Variants in GRIK4 observed in about 807,000 individuals in gnomAD.
The protein encoded by GRIK4 is glutamate receptor ionotropic, kainate 4.
A neutral mutation model predicts 104.9 loss-of-function variants in GRIK4; 40 were observed. That is an observed-to-expected ratio of 0.38 (90% CI 0.30 to 0.50). The LOEUF (loss-of-function observed/expected upper bound fraction) is 0.50. Ranked by LOEUF, GRIK4 falls within the 20% of genes least tolerant of loss-of-function variation. The probability of loss-of-function intolerance (pLI) is 0.93; values close to 1 mark genes in which losing one functional copy is unlikely to be tolerated. For synonymous variants in GRIK4, 485 were observed against 524.9 expected, an observed-to-expected ratio of 0.92 and a Z score of 1.04; for missense variants, 1,047 against 1,308.1, an observed-to-expected ratio of 0.80 and a Z score of 3.08.
rs80355575 is a variant in GRIK4 at position 120,512,860 on chromosome 11, T to A, written c.-159+973T>A. On this transcript the variant is annotated intron_variant, in intron 1 of 20. Transcript: ENST00000527524. ...GCCTGGGGAGAGTTGGCTGAGGGCC[T>A]TGGGGTGGTGGAGGAGGCGGCCGAG... Among the ~76,000 whole-genome samples the A allele has an allele frequency of 4.5e-3, 690 of 152,106 alleles. 15 individuals are homozygous for A. In the East Asian group the frequency reaches 0.066, roughly 14 times the overall value.
intron 13 of GRIK4, among the ~76,000 whole-genome samples, chr11:120,935,804 G>A (rs767136707): frequency 6.6e-6 from 1 of 152,074 alleles, no homozygotes; most frequent in Non-Finnish European, 1.5e-5. Context: ...ACCCCATACT[G>A]TGCCAGGCAA....
At chr11:120,756,874 C>T (rs2135433229) in intron 3 of GRIK4, among the ~76,000 whole-genome samples, 1 of 152,362 alleles carries the variant, frequency 6.6e-6, no homozygotes, top group East Asian at 1.9e-4. Flanking sequence ...TTTCAACCAC[C>T]TCCCACTGTG....
intron 8 of GRIK4, among the ~76,000 whole-genome samples, chr11:120,856,702 C>G (rs1229180515): frequency 6.6e-6 from 1 of 152,170 alleles, no homozygotes; most frequent in Non-Finnish European, 1.5e-5. Context: ...CCCCTGCTTA[C>G]CCATTTGACC....
intron 1 of GRIK4, among the ~76,000 whole-genome samples, chr11:120,611,371 G>A (rs115575207): frequency 0.017 from 2,608 of 152,264 alleles, 94 homozygotes; most frequent in African/African-American, 0.059. Flanking sequence ...ATAATTGTAA[G>A]GATCACTTGC....
At chr11:120,690,140 A>G (rs1421515575) in intron 3 of GRIK4, among the ~76,000 whole-genome samples, 1 of 152,176 alleles carries the variant, frequency 6.6e-6, no homozygotes, top group Non-Finnish European at 1.5e-5. Flanking sequence ...GCTCAGAGTC[A>G]GCTTCTACCT....
chr11:120,559,745 G>A (rs1232673910), intron 1 of GRIK4, among the ~76,000 whole-genome samples: 3 of 152,176 alleles, frequency 2.0e-5, no homozygotes, highest in Non-Finnish European at 4.4e-5. Context: ...GACTTCTTGA[G>A]TTCTTTATCA....
chr11:120,934,348 G>A (rs1241211685), intron 13 of GRIK4, among the ~76,000 whole-genome samples: 1 of 152,078 alleles, frequency 6.6e-6, no homozygotes, highest in African/African-American at 2.4e-5. Context: ...GCTGTCTTCG[G>A]ATGCTCCCAG....
At chr11:120,828,444 G>T (rs1333096768) in intron 6 of GRIK4, among the ~76,000 whole-genome samples, 1 of 152,318 alleles carries the variant, frequency 6.6e-6, no homozygotes. Flanking sequence ...ATGGGGTAAA[G>T]GGTAGTTGGG....
At chr11:120,935,441 T>G (rs1335801296) in intron 13 of GRIK4, among the ~76,000 whole-genome samples, 1 of 152,010 alleles carries the variant, frequency 6.6e-6, no homozygotes, top group African/African-American at 2.4e-5. Context: ...TCCCAGCTAC[T>G]TGGGAGGCTG....
intron 8 of GRIK4, among the ~76,000 whole-genome samples, chr11:120,857,735 C>G (rs1954148269): frequency 6.6e-6 from 1 of 152,190 alleles, no homozygotes; most frequent in African/African-American, 2.4e-5. Context: ...ATTAAGATGT[C>G]TTCAATCAAC....
At position 120,749,417 on chromosome 11, in the gene GRIK4, C is replaced by T. The variant is rs377463845; in HGVS notation, c.83-53276C>T. The stretch of plus-strand genomic sequence containing the variant: ...CGAGAGCCTCTATCTGCCCAGCTCA[C>T]ATATGGTGTCGAGGAGCCACAGGGA... On this transcript the variant is annotated intron_variant, in intron 3 of 20. Coordinates refer to ENST00000527524, the MANE Select transcript of GRIK4 (RefSeq NM_014619.5). 3.9e-5 allele frequency among the ~76,000 whole-genome samples: 6 copies of T among 152,328 alleles called. No homozygotes were observed. The East Asian group carries it at 9.6e-4, about 24-fold the overall frequency.
chr11:120,962,593 G>T lies in GRIK4; in HGVS notation c.2178G>T (p.Met726Ile), dbSNP rs1225978420. 6.2e-7 allele frequency: 1 copy of T among 1,614,134 alleles called. No homozygotes were observed. The highest frequency in any genetic ancestry group is 8.5e-7 in the Non-Finnish European group (1 of 1,180,004). ...ACGCCTTCCTCCTGGAATCCACCAT[G>T]AACGAGTACTATCGGCAGCGAAACT... ...SNYAFLLESTMNEYYRQRNCN... is the reference protein window; with the variant it reads ...SNYAFLLESTINEYYRQRNCN... Residue 726 changes from methionine (M) to isoleucine (I), a missense_variant, in exon 18 of 21, where the codon ATG (methionine) becomes ATT (isoleucine). Transcript: ENST00000527524.
At chr11:120,961,201 C>T in intron 17 of GRIK4, 127 bp downstream of exon 17, 2 of 824,494 alleles carry the variant, frequency 2.4e-6, no homozygotes, top group East Asian at 2.8e-5. Context: ...GTTTGGAGGT[C>T]CACATGGGGC....
intron 3 of GRIK4, among the ~76,000 whole-genome samples, chr11:120,792,680 ACG>A (rs2135494381): frequency 6.6e-6 from 1 of 152,302 alleles, no homozygotes; most frequent in African/African-American, 2.4e-5. Flanking sequence ...GGGTGAAGGC[ACG>A]ATGCCTGGGT....
intron 3 of GRIK4, among the ~76,000 whole-genome samples, chr11:120,678,628 T>A (rs1950141266): frequency 6.6e-6 from 1 of 151,810 alleles, no homozygotes; most frequent in African/African-American, 2.4e-5. Flanking sequence ...GGGTTTTTTT[T>A]TTTTTGTTTT....
intron 1 of GRIK4, among the ~76,000 whole-genome samples, chr11:120,518,404 T>C (rs1947756212): frequency 6.6e-6 from 1 of 152,162 alleles, no homozygotes; most frequent in Non-Finnish European, 1.5e-5. Context: ...ATAGTGTCTC[T>C]AGCAAGGCTG....
intron 3 of GRIK4, among the ~76,000 whole-genome samples, chr11:120,743,945 C>T (rs76757494): frequency 0.014 from 2,184 of 152,232 alleles, 50 homozygotes; most frequent in African/African-American, 0.049. Context: ...TTCATTGTAA[C>T]GAGTAGCACA....
At chr11:120,638,221 G>A (rs887145322) in intron 1 of GRIK4, among the ~76,000 whole-genome samples, 3 of 152,094 alleles carry the variant, frequency 2.0e-5, no homozygotes, top group Non-Finnish European at 4.4e-5. Flanking sequence ...CACTTACTAT[G>A]TGCCAGGCAC....
At position 120,520,629 on chromosome 11, in the gene GRIK4, TTG is replaced by T. The variant is rs78494630; in HGVS notation, c.-159+8746_-159+8747del. 6.5e-3 allele frequency among the ~76,000 whole-genome samples: 992 copies of T among 152,234 alleles called. 37 individuals are homozygous for T. In the South Asian group the frequency reaches 0.11, roughly 17 times the overall value. On this transcript the variant is annotated intron_variant, in intron 1 of 20. Transcript: ENST00000527524. ...CCTGCCCCCACTGGACCAACCAGGG[TTG>T]TGTCCACTCACCACCTCCTCCAAGG...
Sources: gnomAD v4.1 joint callset for allele counts (sites outside exome capture counted in the v4.1 genomes callset) on GRCh38, gnomAD v4.1.1 for gene constraint, MANE v1.5 for transcripts, NCBI Gene and HGNC (gene_info 2026-07-23, HGNC 2026-07-21) for gene names.